Variants in SNX4 observed in about 807,000 individuals in gnomAD.
SNX4 encodes the protein sorting nexin 4.
Under a neutral mutation model 70.8 loss-of-function variants are expected in SNX4, and 49 were observed. The observed-to-expected ratio is 0.69, with a 90% CI of 0.55 to 0.88. The LOEUF is 0.88. Among genes scored for constraint, SNX4 ranks in the 40% least tolerant of loss-of-function variants. SNX4 has a pLI of 0.00. For synonymous variants in SNX4, 206 were observed against 183.8 expected, an observed-to-expected ratio of 1.12 and a Z score of -0.98; for missense variants, 528 against 544.8, an observed-to-expected ratio of 0.97 and a Z score of 0.31.
chr3:125,471,171 C>T (rs1156946776), intron 8 of SNX4, among the ~76,000 whole-genome samples: 2 of 151,630 alleles, frequency 1.3e-5, no homozygotes, highest in Non-Finnish European at 2.9e-5. Flanking sequence ...ATGGAGAAAC[C>T]CTGTCTCTAC....
At chr3:125,483,070 T>G (rs747543179) in intron 6 of SNX4, among the ~76,000 whole-genome samples, 7 of 151,996 alleles carry the variant, frequency 4.6e-5, no homozygotes, top group South Asian at 4.1e-4. Context: ...TACTTATCAA[T>G]CTACATATAT....
intron 6 of SNX4, among the ~76,000 whole-genome samples, 167 bp from the exon 7 acceptor site, chr3:125,480,486 A>G (rs1934385613): frequency 6.6e-6 from 1 of 152,182 alleles, no homozygotes; most frequent in South Asian, 2.1e-4. Flanking sequence ...TCTAAAATAA[A>G]ATGATATTTT....
chr3:125,458,715 G>A (rs951559603), intron 10 of SNX4, among the ~76,000 whole-genome samples: 2 of 149,698 alleles, frequency 1.3e-5, no homozygotes, highest in Non-Finnish European at 3.0e-5. Flanking sequence ...GCGGGAGGCT[G>A]AAGCAGGAGA....
intron 5 of SNX4, among the ~76,000 whole-genome samples, chr3:125,494,626 C>T (rs1450343282): frequency 6.6e-6 from 1 of 152,076 alleles, no homozygotes; most frequent in Non-Finnish European, 1.5e-5. Flanking sequence ...TTCTTTATCG[C>T]CTTATAGCAA....
intron 1 of SNX4, among the ~76,000 whole-genome samples, chr3:125,513,115 T>C (rs1158890199): frequency 1.3e-5 from 2 of 152,278 alleles, no homozygotes; most frequent in Admixed American, 1.3e-4. Flanking sequence ...AAGGTGATGG[T>C]ATTAGGAGGT....
chr3:125,507,336 G>A (rs902011341), intron 1 of SNX4, among the ~76,000 whole-genome samples: 2 of 151,986 alleles, frequency 1.3e-5, no homozygotes, highest in Non-Finnish European at 2.9e-5. Context: ...ATAGGAGAAT[G>A]GAAATGATCA....
chr3:125,463,180 A>G (rs1933926689), intron 9 of SNX4, among the ~76,000 whole-genome samples: 1 of 152,246 alleles, frequency 6.6e-6, no homozygotes, highest in Non-Finnish European at 1.5e-5. Context: ...ATGTGCTTAC[A>G]GGATTTATGT....
In SNX4 at chr3:125,498,127, C is replaced by T. The variant is rs77865802; in HGVS notation, c.331G>A (p.Glu111Lys). Residue 111 changes from glutamate to lysine, a missense_variant, in exon 3 of 14, where the codon GAG becomes AAG. Physicochemically the swap from Glu to Lys is moderately conservative, Grantham distance 56. Around this residue, in one of 3 missense-constraint regions of SNX4, gnomAD observed 341 missense variants for 312.2 expected, o/e 1.09. Coordinates refer to ENST00000251775, the MANE Select transcript of SNX4 (RefSeq NM_003794.4). ...DSLWRRYSEF[E>K]LLRSYLLVYY... ...ACTAAAAGGTAGCTTCTCAACAACT[C>T]AAATTCACTATATCGCCGCCATAGT... 1 of 1,614,192 alleles carries T rather than the reference C, an allele frequency of 6.2e-7. No homozygotes were observed. Among genetic ancestry groups the T allele is most frequent in the Middle Eastern group, 1.6e-4 (1 of 6,062 alleles).
At chr3:125,469,981 T>G (rs1395505220) in intron 8 of SNX4, among the ~76,000 whole-genome samples, 2 of 152,116 alleles carry the variant, frequency 1.3e-5, no homozygotes, top group African/African-American at 2.4e-5. Context: ...GACAACTGTA[T>G]AGAAACAGTA....
At chr3:125,449,412 C>CT (rs1307370136) in intron 13 of SNX4, among the ~76,000 whole-genome samples, 2 of 147,772 alleles carry the variant, frequency 1.4e-5, no homozygotes, top group African/African-American at 5.0e-5. Flanking sequence ...GGGTGAGACT[C>CT]TGTCTCAAAA....
intron 11 of SNX4, among the ~76,000 whole-genome samples, chr3:125,455,747 C>T (rs1027061561): frequency 2.0e-5 from 3 of 152,170 alleles, no homozygotes; most frequent in African/African-American, 4.8e-5. Context: ...GGCGCGCTGG[C>T]TCATGCCTAT....
intron 1 of SNX4, among the ~76,000 whole-genome samples, chr3:125,506,893 A>G (rs915121552): frequency 4.1e-5 from 6 of 147,196 alleles, no homozygotes; most frequent in African/African-American, 1.5e-4. Flanking sequence ...GTACAGAGAT[A>G]GAAAACTTAA....
In SNX4 at chr3:125,520,192, G is replaced by T; in HGVS notation, c.-20C>A. 8.5e-7 allele frequency: 1 copy of T among 1,173,652 alleles called. No homozygotes were observed. The highest frequency in any genetic ancestry group is 1.1e-6 in the Non-Finnish European group (1 of 934,922). 72.7% of individuals were successfully genotyped at this position (1,173,652 alleles called of 1,614,324 possible). On this transcript the variant is annotated 5_prime_UTR_variant, in exon 1 of 14. Coordinates refer to ENST00000251775, the MANE Select transcript of SNX4 (RefSeq NM_003794.4). ...CTCCATGGCTGCAGTTCGGCGCGGC[G>T]AACCCAGTGCGCCTGCGCCGCCGCC... is the stretch of plus-strand genomic sequence containing the variant.
At chr3:125,488,431 C>T (rs1007510177) in intron 6 of SNX4, among the ~76,000 whole-genome samples, 3 of 151,908 alleles carry the variant, frequency 2.0e-5, no homozygotes, top group Non-Finnish European at 4.4e-5. Context: ...GCAGGGATCA[C>T]GCCACTACAC....
At chr3:125,511,233 G>A (rs1181516243) in intron 1 of SNX4, among the ~76,000 whole-genome samples, 1 of 152,172 alleles carries the variant, frequency 6.6e-6, no homozygotes, top group Non-Finnish European at 1.5e-5. Flanking sequence ...TTTTTAAACT[G>A]AAGAATAAAC....
At chr3:125,490,785 A>T (rs912686007) in intron 5 of SNX4, among the ~76,000 whole-genome samples, 12 of 149,782 alleles carry the variant, frequency 8.0e-5, no homozygotes, top group Admixed American at 1.3e-4. Context: ...TCATTAAAAA[A>T]ACAAAAAAAA....
chr3:125,460,756 T>G lies in SNX4; in HGVS notation c.944+15A>C, dbSNP rs1933856806. The G allele has an allele frequency of 7.1e-7, 1 of 1,404,370 alleles. No homozygotes were observed. Among genetic ancestry groups the G allele is most frequent in the African/African-American group, 1.5e-5 (1 of 68,804 alleles). The allele number at this position is 1,404,370 out of a possible 1,614,324, so 87.0% of individuals were successfully genotyped here. On this transcript the variant is annotated intron_variant, in intron 10 of 13. Transcript: ENST00000251775. ...ACAACCCTGTGGCTGCACCTGGAAC[T>G]TTTATTAAACTTACCGCAATGCTTC...
At chr3:125,514,034 AT>A (rs113030023) in intron 1 of SNX4, among the ~76,000 whole-genome samples, 653 of 144,282 alleles carry the variant, frequency 4.5e-3, no homozygotes, top group African/African-American at 6.3e-3. Flanking sequence ...AGACTTCTGG[AT>A]TTTTTTTTTT....
At chr3:125,493,802 C>T (rs1333687639) in intron 5 of SNX4, among the ~76,000 whole-genome samples, 2 of 151,884 alleles carry the variant, frequency 1.3e-5, no homozygotes, top group South Asian at 2.1e-4. Flanking sequence ...GAGGCTGAGG[C>T]GGGCAGATCA....
Sources: allele counts gnomAD v4.1 joint callset (sites outside exome capture counted in the v4.1 genomes callset), GRCh38; gene constraint gnomAD v4.1.1; regional missense constraint gnomAD v4.1.1; transcripts MANE v1.5; gene names NCBI Gene and HGNC (gene_info 2026-07-23, HGNC 2026-07-21).